CHRM3: variants seen among roughly 807,000 people sequenced by gnomAD.
The protein encoded by CHRM3 is cholinergic receptor muscarinic 3.
In CHRM3, 11 loss-of-function variants were observed where a neutral mutation model predicts 41.8. The observed-to-expected ratio is 0.26, with a 90% CI of 0.17 to 0.44. CHRM3 has a LOEUF of 0.44. Ranked by LOEUF, CHRM3 falls within the 20% of genes least tolerant of loss-of-function variation. CHRM3 has a pLI of 1.00. For synonymous variants in CHRM3, 297 were observed against 301.4 expected (o/e 0.99, Z 0.15); for missense variants, 571 against 745.4 (o/e 0.77, Z 2.72).
intron 2 of CHRM3, among the ~76,000 whole-genome samples, chr1:239,545,232 A>G (rs1454582832): frequency 6.6e-6 from 1 of 152,176 alleles, no homozygotes; most frequent in African/African-American, 2.4e-5. Context: ...TTGTGTGCAA[A>G]ACGGAGGTAT....
chr1:239,575,609 A>G (rs1373598107), intron 3 of CHRM3, among the ~76,000 whole-genome samples: 2 of 152,018 alleles, frequency 1.3e-5, no homozygotes, highest in African/African-American at 4.8e-5. Context: ...AAAGCTATGC[A>G]GTATTTGAGC....
intron 2 of CHRM3, among the ~76,000 whole-genome samples, chr1:239,530,421 T>G (rs1670322395): frequency 6.6e-6 from 1 of 152,186 alleles, no homozygotes; most frequent in South Asian, 2.1e-4. Context: ...CCAAGCAGTG[T>G]GTCTGTAAAA....
intron 5 of CHRM3, chr1:239,703,674 C>T (rs1447403681): frequency 6.6e-6 from 1 of 152,160 alleles, no homozygotes; most frequent in Non-Finnish European, 1.5e-5. Context: ...GCTGAATCTA[C>T]TTGAAGTTTG....
chr1:239,510,128 A>T (rs2148192655), intron 2 of CHRM3, among the ~76,000 whole-genome samples: 1 of 152,312 alleles, frequency 6.6e-6, no homozygotes, highest in Admixed American at 6.5e-5. Flanking sequence ...AAAGCTATTT[A>T]CCTTACCTTT....
chr1:239,836,597 C>T (rs1051441262), intron 6 of CHRM3, among the ~76,000 whole-genome samples: 5 of 152,092 alleles, frequency 3.3e-5, no homozygotes, highest in African/African-American at 1.2e-4. Flanking sequence ...CTCCTTTTCA[C>T]CTGAGAGCAG....
intron 6 of CHRM3, among the ~76,000 whole-genome samples, chr1:239,841,668 A>G (rs1673812777): frequency 6.6e-6 from 1 of 152,214 alleles, no homozygotes. Flanking sequence ...GGAGCTGACT[A>G]GACTTACCTC....
Position 239,915,059 on chromosome 1 carries a change from A to G in CHRM3, c.*5835A>G, listed in dbSNP as rs544994147. ...AATTACATAAAAATGGGCTTCCACG[A>G]TGGTGAATCAGCATGCTGATTTCTC... On this transcript the variant is annotated 3_prime_UTR_variant, in exon 7 of 7. Transcript: ENST00000676153. 1 of 167,214 alleles carries G rather than the reference A, an allele frequency of 6.0e-6. No individual in the cohort carries two copies. Among genetic ancestry groups the G allele is most frequent in the African/African-American group, 2.4e-5 (1 of 41,582 alleles). The allele number at this position is 167,214 out of a possible 1,614,324, so 10.4% of individuals were successfully genotyped here. A position where few individuals can be genotyped will look rare whatever the true frequency, so the allele number is the denominator to read the frequency against.
intron 5 of CHRM3, among the ~76,000 whole-genome samples, chr1:239,679,248 T>G (rs1046280118): frequency 5.9e-5 from 9 of 152,130 alleles, no homozygotes; most frequent in African/African-American, 2.2e-4. Context: ...AAGTGCCCCA[T>G]AAATTCTATT....
At chr1:239,665,385 A>G (rs896269830) in intron 4 of CHRM3, among the ~76,000 whole-genome samples, 1 of 151,744 alleles carries the variant, frequency 6.6e-6, no homozygotes. Flanking sequence ...CCTATCCTCT[A>G]ATTACCTTGA....
chr1:239,892,021 G>A (rs1309077553), intron 6 of CHRM3, among the ~76,000 whole-genome samples: 7 of 152,220 alleles, frequency 4.6e-5, no homozygotes, highest in African/African-American at 1.7e-4. Context: ...GGTCTGTTCA[G>A]TCAAGTAAGA....
chr1:239,843,272 G>A (rs1170605489), intron 6 of CHRM3, among the ~76,000 whole-genome samples: 1 of 152,064 alleles, frequency 6.6e-6, no homozygotes, highest in Non-Finnish European at 1.5e-5. Context: ...TAGCACAAGT[G>A]TAGAATGTGG....
intron 5 of CHRM3, among the ~76,000 whole-genome samples, chr1:239,683,551 T>C (rs796462486): frequency 6.6e-6 from 1 of 152,220 alleles, no homozygotes; most frequent in African/African-American, 2.4e-5. Context: ...TTTTTACTTT[T>C]TTCTGCCATA....
chr1:239,432,977 C>T (rs72754672), intron 1 of CHRM3, among the ~76,000 whole-genome samples: 3 of 152,064 alleles, frequency 2.0e-5, no homozygotes, highest in Non-Finnish European at 4.4e-5. Flanking sequence ...CCAGTCTTGA[C>T]TTTTTCCCCT....
At position 239,800,213 on chromosome 1, in the gene CHRM3, C is replaced by T. The variant is rs969374762; in HGVS notation, c.-146-27039C>T. 8.5e-5 allele frequency among the ~76,000 whole-genome samples: 13 copies of T among 152,222 alleles called. No homozygotes were observed. In the South Asian group the frequency reaches 1.5e-3, roughly 17 times the overall value. ...TGAGATCATTAGTCTTCTTTGTGTTCGCTTCTCCTTAAGGATGGACAATCC... is the reference window on the plus strand; with the variant it reads ...TGAGATCATTAGTCTTCTTTGTGTTTGCTTCTCCTTAAGGATGGACAATCC... On this transcript the variant is annotated intron_variant, in intron 5 of 6. Coordinates refer to ENST00000676153, the MANE Select transcript of CHRM3 (RefSeq NM_001375978.1).
chr1:239,783,941 A>G (rs975486675), intron 5 of CHRM3, among the ~76,000 whole-genome samples: 2 of 152,134 alleles, frequency 1.3e-5, no homozygotes, highest in African/African-American at 4.8e-5. Flanking sequence ...GTTCCCTCTT[A>G]TAAGTGAGAA....
intron 3 of CHRM3, among the ~76,000 whole-genome samples, chr1:239,598,806 G>A (rs1665126015): frequency 6.6e-6 from 1 of 151,906 alleles, no homozygotes; most frequent in Non-Finnish European, 1.5e-5. Flanking sequence ...TGGGAATATG[G>A]GCTGTGAGGT....
intron 1 of CHRM3, among the ~76,000 whole-genome samples, chr1:239,400,406 C>T (rs1223016992): frequency 6.6e-6 from 1 of 152,066 alleles, no homozygotes; most frequent in Non-Finnish European, 1.5e-5. Context: ...TTTAGGTCGC[C>T]TCTTCACTTT....
At chr1:239,761,964 C>CA (rs1470007615) in intron 5 of CHRM3, among the ~76,000 whole-genome samples, 2 of 152,184 alleles carry the variant, frequency 1.3e-5, no homozygotes, top group Non-Finnish European at 2.9e-5. Context: ...CCCTTCCCTG[C>CA]ACTGCAGCCT....
intron 1 of CHRM3, among the ~76,000 whole-genome samples, chr1:239,399,158 G>T (rs1659746009): frequency 6.6e-6 from 1 of 152,052 alleles, no homozygotes; most frequent in Non-Finnish European, 1.5e-5. Context: ...TAATTATAAT[G>T]AATTATAAGG....
Sources: allele counts gnomAD v4.1 joint callset (sites outside exome capture counted in the v4.1 genomes callset), GRCh38; gene constraint gnomAD v4.1.1; transcripts MANE v1.5; gene names NCBI Gene and HGNC (gene_info 2026-07-23, HGNC 2026-07-21).